Variants in ZNF836 observed in about 807,000 individuals in gnomAD.
ZNF836 encodes the protein zinc finger protein 836.
ZNF836 carries 12 observed loss-of-function variants against 7.4 expected under a neutral mutation model. The observed-to-expected ratio is 1.61, with a 90% CI of 1.03 to 2.61. The LOEUF is 2.61. ZNF836 is among the 30% of genes most tolerant of loss of function. The probability of loss-of-function intolerance (pLI) is 0.00; values close to 1 mark genes in which losing one functional copy is unlikely to be tolerated. For synonymous variants in ZNF836, 365 were observed against 382.6 expected, an observed-to-expected ratio of 0.95 and a Z score of 0.54; for missense variants, 998 against 1,126.2, an observed-to-expected ratio of 0.89 and a Z score of 1.63.
At chr19:52,163,653 T>C (rs1176351797) in intron 3 of ZNF836, among the ~76,000 whole-genome samples, 1 of 152,160 alleles carries the variant, frequency 6.6e-6, no homozygotes, top group African/African-American at 2.4e-5. Flanking sequence ...AACCAAAGCC[T>C]ATCAACTGGT....
chr19:52,158,569 C>A (rs1415405737), intron 4 of ZNF836, among the ~76,000 whole-genome samples: 2 of 151,778 alleles, frequency 1.3e-5, no homozygotes, highest in African/African-American at 4.8e-5. Context: ...ATGATGAAAC[C>A]CCGTCTCTAC....
At chr19:52,158,712 C>T (rs988447891) in intron 4 of ZNF836, among the ~76,000 whole-genome samples, 13 of 152,118 alleles carry the variant, frequency 8.5e-5, no homozygotes, top group African/African-American at 3.1e-4. Context: ...CACAGCACTC[C>T]AGTCTGGGTG....
At chr19:52,160,632 C>T (rs369651402) in intron 3 of ZNF836, 41 bp from the exon 4 acceptor site, 5 of 1,565,958 alleles carry the variant, frequency 3.2e-6, no homozygotes, top group African/African-American at 1.4e-5. Flanking sequence ...AATGGGAGAG[C>T]TCTTATCTAT....
rs1015473927 is a variant in ZNF836 at position 52,154,799 on chromosome 19, A to G, written c.*73T>C. ...TCTCCCACCAGGCCCCACCTCCAAT[A>G]AAGGGGATTAAAATTCCACATGAGA... is the stretch of plus-strand genomic sequence containing the variant. On this transcript the variant is annotated 3_prime_UTR_variant, in exon 5 of 5. Transcript: ENST00000682614. The G allele has an allele frequency of 1.0e-5, 14 of 1,345,432 alleles. No homozygotes were observed. The Admixed American group carries it at 3.3e-4, about 32-fold the overall frequency. 83.3% of individuals were successfully genotyped at this position (1,345,432 alleles called of 1,614,324 possible). A position where few individuals can be genotyped will look rare whatever the true frequency, so the allele number is the denominator to read the frequency against.
At position 52,155,505 on chromosome 19, in the gene ZNF836, A is replaced by AT. The variant is rs1425367226; in HGVS notation, c.2177dup (p.His726GlnfsTer4). On this transcript the variant is annotated frameshift_variant, in exon 5 of 5. Coordinates refer to ENST00000682614, the MANE Select transcript of ZNF836 (RefSeq NM_001102657.3). LOFTEE classifies it low-confidence loss of function (END_TRUNC). Reference sequence around the variant, plus strand: ...TTATATGACTAAAAGTTCTACCACAATGGCTACATTTGTGTGGTTTCTCCC... The same window carrying AT: ...TTATATGACTAAAAGTTCTACCACAATTGGCTACATTTGTGTGGTTTCTCCC... 10 of 1,613,792 alleles carry AT rather than the reference A, an allele frequency of 6.2e-6. No individual in the cohort carries two copies. Among genetic ancestry groups the AT allele is most frequent in the Non-Finnish European group, 8.5e-6 (10 of 1,179,884 alleles).
intron 3 of ZNF836, 154 bp from the exon 4 acceptor site, chr19:52,160,745 G>T: frequency 1.1e-6 from 1 of 908,200 alleles, no homozygotes; most frequent in Non-Finnish European, 1.6e-6. Context: ...CCTAATTTAA[G>T]TTTGTTTTAA....
intron 3 of ZNF836, 53 bp from the exon 4 acceptor site, chr19:52,160,644 C>T: frequency 1.3e-6 from 2 of 1,539,224 alleles, no homozygotes; most frequent in East Asian, 2.3e-5. Flanking sequence ...CTTATCTATA[C>T]ATAAAATGAG....
At chr19:52,162,554 AAGAC>A (rs1168225667) in intron 3 of ZNF836, among the ~76,000 whole-genome samples, 1 of 152,196 alleles carries the variant, frequency 6.6e-6, no homozygotes, top group South Asian at 2.1e-4. Context: ...ATAAAAGAAA[AAGAC>A]AAGAGAGTAT....
chr19:52,163,993 A>AC, intron 3 of ZNF836, among the ~76,000 whole-genome samples: 1 of 144,058 alleles, frequency 6.9e-6, no homozygotes, highest in South Asian at 2.5e-4. Flanking sequence ...AGCCTGGGCA[A>AC]TAGAGTGAAA....
At chr19:52,163,723 A>C (rs1438848959) in intron 3 of ZNF836, among the ~76,000 whole-genome samples, 1 of 152,188 alleles carries the variant, frequency 6.6e-6, no homozygotes, top group Non-Finnish European at 1.5e-5. Flanking sequence ...GGGGCCACTG[A>C]GAAAAAAGAA....
At chr19:52,164,528 TA>T (rs2089245119) in intron 3 of ZNF836, among the ~76,000 whole-genome samples, 1 of 148,060 alleles carries the variant, frequency 6.8e-6, no homozygotes, top group East Asian at 2.0e-4. Flanking sequence ...GAGCTAAAAA[TA>T]AAATAACTGA....
At chr19:52,164,687 ACAAT>A (rs917448166) in intron 3 of ZNF836, among the ~76,000 whole-genome samples, 7 of 152,198 alleles carry the variant, frequency 4.6e-5, no homozygotes, top group Admixed American at 3.3e-4. Flanking sequence ...CTCATGGCAA[ACAAT>A]CAAGCACCAA....
chr19:52,164,954 G>A (rs1292511047), intron 3 of ZNF836, among the ~76,000 whole-genome samples: 1 of 152,082 alleles, frequency 6.6e-6, no homozygotes, highest in African/African-American at 2.4e-5. Context: ...GCTGGGTATG[G>A]TGGTGAGTGC....
chr19:52,167,996 T>A lies in ZNF836; in HGVS notation c.15+62A>T, dbSNP rs2089280163. 4.6e-6 allele frequency: 6 copies of A among 1,306,796 alleles called. No individual in the cohort carries two copies. The South Asian group carries it at 6.0e-5, about 13-fold the overall frequency. The allele number at this position is 1,306,796 out of a possible 1,614,324, so 81.0% of individuals were successfully genotyped here. ...TTCAGACTCAGAGGAGATTCGCAAC[T>A]CCAATGTGTCGCATTTCAAAAAGGA... On this transcript the variant is annotated intron_variant, in intron 3 of 4. Coordinates refer to ENST00000682614, the MANE Select transcript of ZNF836 (RefSeq NM_001102657.3).
chr19:52,155,036 T>C lies in ZNF836; in HGVS notation c.2647A>G (p.Ile883Val), dbSNP rs764431125. The C allele has an allele frequency of 8.7e-6, 14 of 1,614,060 alleles. No individual in the cohort carries two copies. The highest frequency in any genetic ancestry group is 1.2e-5 in the Non-Finnish European group (14 of 1,180,022). Residue 883 changes from isoleucine (I) to valine (V), a missense_variant, in exon 5 of 5, where the codon ATT (isoleucine) becomes GTT (valine). Ile to Val is a conservative substitution (Grantham distance 29). Coordinates refer to ENST00000682614, the MANE Select transcript of ZNF836 (RefSeq NM_001102657.3). ...RFSCLNKHQM[I>V]HSGEKPYKCN... The stretch of plus-strand genomic sequence containing the variant: ...TTATAAGGTTTTTCTCCAGAATGAA[T>C]CATTTGGTGTTTGTTGAGGCAAGAA...
intron 4 of ZNF836, among the ~76,000 whole-genome samples, chr19:52,158,825 CTATA>C (rs1313781901): frequency 6.6e-6 from 1 of 152,126 alleles, no homozygotes; most frequent in African/African-American, 2.4e-5. Context: ...TGCAAGTCAG[CTATA>C]TTGACTTATG....
At chr19:52,160,184 A>G (rs1357822340) in intron 4 of ZNF836, 1 of 458,982 alleles carries the variant, frequency 2.2e-6, no homozygotes, top group Non-Finnish European at 3.7e-6. Flanking sequence ...CTCTGTCTCC[A>G]TTAAAAAAAA....
chr19:52,157,912 A>T (rs891913693), intron 4 of ZNF836, among the ~76,000 whole-genome samples: 1 of 151,874 alleles, frequency 6.6e-6, no homozygotes, highest in Non-Finnish European at 1.5e-5. Context: ...GTTTTTTTTT[A>T]AATAACTACT....
At position 52,160,523 on chromosome 19, in the gene ZNF836, C is replaced by T. The variant is rs2089203895; in HGVS notation, c.84G>A (p.Val28=). 3.7e-6 allele frequency: 6 copies of T among 1,614,134 alleles called. No homozygotes were observed. The highest frequency in any genetic ancestry group is 1.1e-5 in the South Asian group (1 of 91,086). Residue 28 remains valine, a synonymous_variant, in exon 4 of 5, where the codon GTG becomes GTA. Coordinates refer to ENST00000682614, the MANE Select transcript of ZNF836 (RefSeq NM_001102657.3). The part of the protein sequence containing the change: ...SQEEWKSLDP[V]QKALYWDVML... Reference sequence around the variant, plus strand: ...TCACATCCCAGTACAAAGCTTTCTGCACAGGGTCCAGGGATTTCCACTCCT... The same window carrying T: ...TCACATCCCAGTACAAAGCTTTCTGTACAGGGTCCAGGGATTTCCACTCCT...
Sources: gnomAD v4.1 joint callset for allele counts (sites outside exome capture counted in the v4.1 genomes callset) on GRCh38, gnomAD v4.1.1 for gene constraint, MANE v1.5 for transcripts, NCBI Gene and HGNC (gene_info 2026-07-23, HGNC 2026-07-21) for gene names.